Variants in PDE1C observed in about 807,000 individuals in gnomAD.
PDE1C encodes the protein dual specificity calcium/calmodulin-dependent 3',5'-cyclic nucleotide phosphodiesterase 1C.
In PDE1C, 62 loss-of-function variants were observed where a neutral mutation model predicts 93.1. The observed-to-expected ratio is 0.67, with a 90% CI of 0.54 to 0.82. The LOEUF (loss-of-function observed/expected upper bound fraction) is 0.82, where lower values mean the gene tolerates loss of function less well. Among genes scored for constraint, PDE1C ranks in the 40% least tolerant of loss-of-function variants. The pLI is 0.00. For missense variants in PDE1C, 742 were observed against 884.6 expected (o/e 0.84, Z 2.04); for synonymous variants, 325 against 310.1 (o/e 1.05, Z -0.50).
At chr7:31,774,132 G>A (rs1471506823) in intron 17 of PDE1C, among the ~76,000 whole-genome samples, 1 of 134,674 alleles carries the variant, frequency 7.4e-6, no homozygotes, top group Admixed American at 7.7e-5. Context: ...ATTATTTCAT[G>A]TACAACCAAG....
chr7:32,312,440 A>G (rs1179600741), intron 1 of PDE1C, among the ~76,000 whole-genome samples: 1 of 152,194 alleles, frequency 6.6e-6, no homozygotes, highest in Non-Finnish European at 1.5e-5. Context: ...AAGAGCCCGC[A>G]TCGCCAAGTC....
chr7:32,274,401 T>C (rs1044126520), intron 1 of PDE1C, among the ~76,000 whole-genome samples: 1 of 147,658 alleles, frequency 6.8e-6, no homozygotes, highest in Admixed American at 6.8e-5. Flanking sequence ...AAGAAATAGG[T>C]TCTCCATATG....
the PDE1C span, among the ~76,000 whole-genome samples, chr7:31,706,617 A>G: frequency 2.0e-5 from 3 of 152,194 alleles, no homozygotes; most frequent in Non-Finnish European, 4.4e-5. Flanking sequence ...CCTGAGCTCA[A>G]TATTTCCCTG....
intron 2 of PDE1C, among the ~76,000 whole-genome samples, chr7:31,894,057 C>T (rs1798969832): frequency 6.6e-6 from 1 of 152,140 alleles, no homozygotes; most frequent in Non-Finnish European, 1.5e-5. Flanking sequence ...GAGCTTTAGA[C>T]TCTGACTTGG....
intron 1 of PDE1C, among the ~76,000 whole-genome samples, chr7:32,327,186 T>C (rs1045933325): frequency 1.3e-5 from 2 of 152,190 alleles, no homozygotes; most frequent in Non-Finnish European, 2.9e-5. Flanking sequence ...TTTACCCAAG[T>C]CAAATGTATT....
chr7:32,147,708 C>A (rs986786244), intron 3 of PDE1C, among the ~76,000 whole-genome samples: 1 of 152,086 alleles, frequency 6.6e-6, no homozygotes, highest in African/African-American at 2.4e-5. Context: ...CCCACCCCCC[C>A]TCCAAGCATT....
At chr7:32,110,044 G>A (rs1011499217) in intron 3 of PDE1C, among the ~76,000 whole-genome samples, 48 of 152,078 alleles carry the variant, frequency 3.2e-4, no homozygotes, top group African/African-American at 1.1e-3. Flanking sequence ...TTTGGAGTTG[G>A]AAAAGACCTC....
At chr7:32,057,382 A>T (rs565735289) in intron 1 of PDE1C, among the ~76,000 whole-genome samples, 1 of 152,362 alleles carries the variant, frequency 6.6e-6, no homozygotes, top group Admixed American at 6.5e-5. Context: ...GAAGTATTAA[A>T]TGATGCATGT....
chr7:31,916,454 A>G (rs1456559162), intron 2 of PDE1C, among the ~76,000 whole-genome samples: 8 of 152,188 alleles, frequency 5.3e-5, no homozygotes, highest in Non-Finnish European at 1.2e-4. Flanking sequence ...AAAATCACTA[A>G]AAGAGCCAGG....
intron 1 of PDE1C, among the ~76,000 whole-genome samples, chr7:32,257,002 A>G (rs551962723): frequency 2.0e-5 from 3 of 152,224 alleles, no homozygotes; most frequent in Non-Finnish European, 4.4e-5. Flanking sequence ...CTGTCCATCC[A>G]TTGCTCCCTG....
chr7:31,976,589 C>T (rs1240606297), intron 2 of PDE1C, among the ~76,000 whole-genome samples: 3 of 152,142 alleles, frequency 2.0e-5, no homozygotes, highest in Non-Finnish European at 2.9e-5. Flanking sequence ...TATCAACAAA[C>T]ATTGGAAAGC....
At chr7:31,774,676 T>C (rs1795714050) in intron 17 of PDE1C, among the ~76,000 whole-genome samples, 1 of 152,206 alleles carries the variant, frequency 6.6e-6, no homozygotes, top group Non-Finnish European at 1.5e-5. Flanking sequence ...TGTTAGTCAA[T>C]TACTGAAATA....
intron 9 of PDE1C, among the ~76,000 whole-genome samples, chr7:31,847,373 T>G (rs181373688): frequency 2.6e-5 from 4 of 152,300 alleles, no homozygotes; most frequent in Admixed American, 1.3e-4. Context: ...CTGTCATTCA[T>G]GCAACAGAAT....
chr7:31,881,433 T>C (rs1562964466), intron 2 of PDE1C, among the ~76,000 whole-genome samples: 2 of 152,224 alleles, frequency 1.3e-5, no homozygotes, highest in East Asian at 3.9e-4. Context: ...AAAGAAAATA[T>C]GAGGATTGAT....
At chr7:31,819,733 C>T (rs1391983493) in intron 14 of PDE1C, among the ~76,000 whole-genome samples, 1 of 152,074 alleles carries the variant, frequency 6.6e-6, no homozygotes, top group Non-Finnish European at 1.5e-5. Context: ...ACATTGATTT[C>T]TTTGTCTTCC....
At chr7:32,037,331 T>A (rs1307132701) in intron 2 of PDE1C, among the ~76,000 whole-genome samples, 1 of 152,048 alleles carries the variant, frequency 6.6e-6, no homozygotes, top group Non-Finnish European at 1.5e-5. Flanking sequence ...GGAGTGATAA[T>A]CTAGTTCACG....
Position 31,848,835 on chromosome 7 carries a change from A to G in PDE1C, c.852-739T>C, listed in dbSNP as rs573815280. Among the ~76,000 whole-genome samples, 19 of 152,334 alleles carry G rather than the reference A, an allele frequency of 1.2e-4. No individual in the cohort carries two copies. The East Asian group carries it at 3.7e-3, about 29-fold the overall frequency. Reference sequence around the variant, plus strand: ...GCTGGGATGAAGGCAAGATCTTCTGACAGTTGGGCCAGTGCTTCCCCAAGA... The same window carrying G: ...GCTGGGATGAAGGCAAGATCTTCTGGCAGTTGGGCCAGTGCTTCCCCAAGA... On this transcript the variant is annotated intron_variant, in intron 8 of 17. Coordinates refer to ENST00000396191, the MANE Select transcript of PDE1C (RefSeq NM_001191057.4).
chr7:32,016,308 T>C (rs1787900920), intron 2 of PDE1C, among the ~76,000 whole-genome samples: 1 of 152,212 alleles, frequency 6.6e-6, no homozygotes, highest in Admixed American at 6.5e-5. Flanking sequence ...CTTGAATTTT[T>C]TCCTTGGCAA....
At position 32,372,052 on chromosome 7, in the gene PDE1C, A is replaced by ATTT. The variant is rs70989652; in HGVS notation, c.310+55767_310+55769dup. On this transcript the variant is annotated intron_variant, in intron 1 of 1. Coordinates refer to the PDE1C transcript ENST00000672256. The stretch of plus-strand genomic sequence containing the variant: ...AAACCCAAACATCTATGGTCAATTG[A>ATTT]TTTTTTTTTTTTTTTTTTTGAGACA... Among the ~76,000 whole-genome samples, 354 of 132,446 alleles carry ATTT rather than the reference A, an allele frequency of 2.7e-3. 8 individuals carry two copies. Among genetic ancestry groups the ATTT allele is most frequent in the Non-Finnish European group, 4.2e-3 (267 of 63,868 alleles). The allele number at this position is 132,446 out of a possible 152,430, so 86.9% of individuals were successfully genotyped here.
Sources: gnomAD v4.1 joint callset for allele counts (sites outside exome capture counted in the v4.1 genomes callset) on GRCh38, gnomAD v4.1.1 for gene constraint, MANE v1.5 for transcripts, NCBI Gene and HGNC (gene_info 2026-07-23, HGNC 2026-07-21) for gene names.